GRIK2: variants seen among roughly 807,000 people sequenced by gnomAD.
The protein encoded by GRIK2 is glutamate ionotropic receptor kainate type subunit 2, also known as glutamate receptor ionotropic, kainate 2.
A neutral mutation model predicts 100.3 loss-of-function variants in GRIK2; 32 were observed. The ratio of observed to expected loss-of-function variants is 0.32; its 90% CI spans 0.24 to 0.43. The LOEUF (loss-of-function observed/expected upper bound fraction) is 0.43. GRIK2 is among the 20% of genes least tolerant of loss of function. The probability of loss-of-function intolerance (pLI) is 1.00; values close to 1 mark genes in which losing one functional copy is unlikely to be tolerated. For synonymous variants in GRIK2, 417 were observed against 389.4 expected (o/e 1.07, Z -0.83); for missense variants, 843 against 1,114.9 (o/e 0.76, Z 3.47).
rs1374623589 is a variant in GRIK2, at chr6:101,815,719, T to G, written c.1204-2651T>G. Among the ~76,000 whole-genome samples, 4 of 152,274 alleles carry G rather than the reference T, an allele frequency of 2.6e-5. No individual in the cohort carries two copies. The East Asian group carries it at 7.8e-4, about 30-fold the overall frequency. On this transcript the variant is annotated intron_variant, in intron 9 of 16. Coordinates refer to ENST00000369134, the MANE Select transcript of GRIK2 (RefSeq NM_021956.5). ...TAGATTGCTATCACTTTGTCCATGT[T>G]TTTTGCCATTAAAACAAAACAAAAC...
chr6:102,053,242 C>A (rs145423041), intron 15 of GRIK2, among the ~76,000 whole-genome samples: 17 of 152,182 alleles, frequency 1.1e-4, no homozygotes, highest in Non-Finnish European at 2.4e-4. Context: ...GATAAACTAT[C>A]ATTCTGTTTA....
At chr6:101,875,662 C>T (rs1432509244) in intron 11 of GRIK2, among the ~76,000 whole-genome samples, 4 of 151,596 alleles carry the variant, frequency 2.6e-5, no homozygotes, top group African/African-American at 7.3e-5. Context: ...TCTTTTGACT[C>T]ATTGTTTTTT....
chr6:101,655,625 AAAAT>A (rs1431486244), intron 4 of GRIK2, among the ~76,000 whole-genome samples: 94 of 152,368 alleles, frequency 6.2e-4, no homozygotes, highest in African/African-American at 2.2e-3. Context: ...CATTAAAGCA[AAAAT>A]AAATCATGAA....
At chr6:101,855,001 G>T (rs1232618701) in intron 10 of GRIK2, among the ~76,000 whole-genome samples, 1 of 152,086 alleles carries the variant, frequency 6.6e-6, no homozygotes, top group Non-Finnish European at 1.5e-5. Flanking sequence ...GAGCCTTAAA[G>T]GAAGCAAAAG....
intron 10 of GRIK2, among the ~76,000 whole-genome samples, chr6:101,828,147 C>T (rs1047701947): frequency 2.6e-5 from 4 of 151,916 alleles, no homozygotes; most frequent in Non-Finnish European, 4.4e-5. Context: ...CACACAAATA[C>T]ATAGAAACTA....
chr6:101,780,259 T>G (rs1170680487), intron 7 of GRIK2, among the ~76,000 whole-genome samples: 3 of 152,138 alleles, frequency 2.0e-5, no homozygotes, highest in Non-Finnish European at 4.4e-5. Flanking sequence ...AACTGTGAGA[T>G]CTTCTCCCAC....
intron 15 of GRIK2, among the ~76,000 whole-genome samples, chr6:102,038,526 C>T (rs1242373451): frequency 6.6e-6 from 1 of 151,390 alleles, no homozygotes; most frequent in East Asian, 1.9e-4. Context: ...TCATAATCTG[C>T]ATTTCTCAAC....
At chr6:101,441,554 A>C (rs1250693814) in intron 2 of GRIK2, among the ~76,000 whole-genome samples, 3 of 152,158 alleles carry the variant, frequency 2.0e-5, no homozygotes, top group Non-Finnish European at 4.4e-5. Flanking sequence ...GCGCGGTCAA[A>C]CATCAATAGT....
At chr6:101,700,143 CTG>C (rs1772782086) in intron 7 of GRIK2, among the ~76,000 whole-genome samples, 2 of 149,076 alleles carry the variant, frequency 1.3e-5, no homozygotes, top group South Asian at 4.1e-4. Context: ...GAGAGAGACT[CTG>C]TCTCACAAAA....
intron 7 of GRIK2, among the ~76,000 whole-genome samples, chr6:101,694,939 T>G (rs1381789782): frequency 6.6e-6 from 1 of 150,582 alleles, no homozygotes; most frequent in African/African-American, 2.4e-5. Flanking sequence ...TGCATTTAGT[T>G]GAATACTTAC....
chr6:101,971,614 G>A (rs1423979496), intron 14 of GRIK2, among the ~76,000 whole-genome samples: 1 of 151,690 alleles, frequency 6.6e-6, no homozygotes, highest in African/African-American at 2.4e-5. Flanking sequence ...CTGTTACATG[G>A]GTATATTTGT....
chr6:101,833,409 A>G (rs1782832330), intron 10 of GRIK2, among the ~76,000 whole-genome samples: 1 of 151,506 alleles, frequency 6.6e-6, no homozygotes, highest in Non-Finnish European at 1.5e-5. Context: ...TTTTTTTTGT[A>G]TTTGTAGTAG....
At chr6:101,925,728 A>T (rs199571558) in intron 13 of GRIK2, among the ~76,000 whole-genome samples, 1 of 151,622 alleles carries the variant, frequency 6.6e-6, no homozygotes, top group African/African-American at 2.4e-5. Flanking sequence ...TGTGTATTTA[A>T]TATCCACTTT....
intron 14 of GRIK2, among the ~76,000 whole-genome samples, chr6:102,006,418 G>T (rs1387890513): frequency 7.3e-6 from 1 of 137,022 alleles, no homozygotes. Context: ...ACATACAGTG[G>T]AGTACAGTGG....
At chr6:101,986,129 C>T (rs1379418282) in intron 14 of GRIK2, among the ~76,000 whole-genome samples, 1 of 151,748 alleles carries the variant, frequency 6.6e-6, no homozygotes, top group Non-Finnish European at 1.5e-5. Flanking sequence ...GAACTAGATG[C>T]ACTCGTGATG....
At chr6:101,526,864 C>G (rs1340844317) in intron 2 of GRIK2, among the ~76,000 whole-genome samples, 1 of 152,118 alleles carries the variant, frequency 6.6e-6, no homozygotes, top group Non-Finnish European at 1.5e-5. Flanking sequence ...CTACCAGGTT[C>G]CAACAGATGC....
At chr6:101,570,011 T>C (rs546300307) in intron 2 of GRIK2, among the ~76,000 whole-genome samples, 2 of 152,282 alleles carry the variant, frequency 1.3e-5, no homozygotes, top group East Asian at 3.9e-4. Flanking sequence ...CTTGTAGTAA[T>C]ATAGATAGAA....
At chr6:102,059,031 A>G (rs1278411941) in intron 16 of GRIK2, among the ~76,000 whole-genome samples, 1 of 151,332 alleles carries the variant, frequency 6.6e-6, no homozygotes, top group Non-Finnish European at 1.5e-5. Context: ...TATAATACAT[A>G]TTGTAAATAC....
rs1776602001 is a variant in GRIK2, at chr6:101,424,573, A to T, written c.115+25181A>T. Among the ~76,000 whole-genome samples the T allele has an allele frequency of 1.4e-5, 2 of 145,040 alleles. 1 individual carries two copies. Among genetic ancestry groups the T allele is most frequent in the South Asian group, 4.4e-4 (2 of 4,540 alleles). On this transcript the variant is annotated intron_variant, in intron 2 of 16. Transcript: ENST00000369134. The stretch of plus-strand genomic sequence containing the variant: ...TTTTCTTTTTTTTTCATTTTTTAAA[A>T]ATTATTATTATTCTTTAAGTTTTAG...
Sources: allele counts gnomAD v4.1 joint callset (sites outside exome capture counted in the v4.1 genomes callset), GRCh38; gene constraint gnomAD v4.1.1; transcripts MANE v1.5; gene names NCBI Gene and HGNC (gene_info 2026-07-23, HGNC 2026-07-21).